The following TGFBR3 variants were observed in gnomAD, a reference collection of about 807,000 sequenced individuals.
TGFBR3 encodes the protein transforming growth factor beta receptor 3, also known as transforming growth factor beta receptor type 3.
TGFBR3 carries 46 observed loss-of-function variants against 87.9 expected under a neutral mutation model. The ratio of observed to expected loss-of-function variants is 0.52; its 90% CI spans 0.41 to 0.67. The LOEUF is 0.67. TGFBR3 is among the 30% of genes least tolerant of loss of function. The pLI, the probability that TGFBR3 is intolerant of heterozygous loss-of-function variation, is 0.00. For missense variants in TGFBR3, 866 were observed against 1,041.9 expected (o/e 0.83, Z 2.32); for synonymous variants, 381 against 391.6 (o/e 0.97, Z 0.32).
rs17886294 is a variant in TGFBR3 at position 91,782,591 on chromosome 1, A to C, written c.246+14696T>G. Among the ~76,000 whole-genome samples, 1,179 of 152,260 alleles carry C rather than the reference A, an allele frequency of 7.7e-3. 10 individuals are homozygous for C. The highest frequency in any genetic ancestry group is 0.013 in the Non-Finnish European group (852 of 68,008). On this transcript the variant is annotated intron_variant, in intron 3 of 16. Coordinates refer to ENST00000212355, the MANE Select transcript of TGFBR3 (RefSeq NM_003243.5). Reference sequence around the variant, plus strand: ...TTGTTTTTACCTTCATTAAGTGTTAAATTTACCTAAGACTCCCAGAGAGTC... The same window carrying C: ...TTGTTTTTACCTTCATTAAGTGTTACATTTACCTAAGACTCCCAGAGAGTC...
At chr1:91,807,922 C>T (rs1480480921) in intron 2 of TGFBR3, among the ~76,000 whole-genome samples, 1 of 152,154 alleles carries the variant, frequency 6.6e-6, no homozygotes, top group Non-Finnish European at 1.5e-5. Context: ...TGTGAAAACG[C>T]TTTACAAACT....
At chr1:91,785,562 C>A (rs943295753) in intron 3 of TGFBR3, among the ~76,000 whole-genome samples, 2 of 152,154 alleles carry the variant, frequency 1.3e-5, no homozygotes, top group Admixed American at 6.5e-5. Flanking sequence ...TCCTGCCTAG[C>A]ACCCTTGATC....
At chr1:91,815,164 T>C (rs928353737) in intron 2 of TGFBR3, among the ~76,000 whole-genome samples, 13 of 151,994 alleles carry the variant, frequency 8.6e-5, no homozygotes, top group African/African-American at 2.7e-4. Context: ...TAGCCGAGCA[T>C]GGTTGTGGGG....
chr1:91,882,509 C>G (rs976050648), intron 1 of TGFBR3, among the ~76,000 whole-genome samples: 6 of 152,028 alleles, frequency 3.9e-5, no homozygotes, highest in Non-Finnish European at 8.8e-5. Flanking sequence ...CTTTGGGAGG[C>G]TGAGGTAGGC....
rs539179739 is a variant in TGFBR3, at chr1:91,683,273, T to A, written c.*466A>T. ...GATCGCTTAGAAAGCCTCAAAGCAT[T>A]TCTTGTTTTACATCTTGGTTCAGAT... is the stretch of plus-strand genomic sequence containing the variant. On this transcript the variant is annotated 3_prime_UTR_variant, in exon 17 of 17. Transcript: ENST00000212355. 1 of 455,732 alleles carries A rather than the reference T, an allele frequency of 2.2e-6. No individual in the cohort carries two copies. The highest frequency in any genetic ancestry group is 6.9e-5 in the East Asian group (1 of 14,430). 28.2% of individuals were successfully genotyped at this position (455,732 alleles called of 1,614,324 possible).
chr1:91,842,664 A>G (rs2489172), intron 2 of TGFBR3, among the ~76,000 whole-genome samples: 2 of 152,174 alleles, frequency 1.3e-5, no homozygotes, highest in African/African-American at 4.8e-5. Context: ...TTCTGCCCAT[A>G]ATAAGGTTGT....
chr1:91,904,644 A>G (rs1679806022), intron 1 of TGFBR3, among the ~76,000 whole-genome samples: 1 of 148,278 alleles, frequency 6.7e-6, no homozygotes, highest in South Asian at 2.1e-4. Context: ...GGCTCACTGC[A>G]TCCTCTGCCT....
intron 3 of TGFBR3, among the ~76,000 whole-genome samples, chr1:91,780,591 CT>C (rs2100962442): frequency 8.5e-6 from 1 of 117,368 alleles, no homozygotes; most frequent in South Asian, 3.2e-4. Flanking sequence ...TGGAGTTTCA[CT>C]CTTGTTGCCC....
chr1:91,716,378 T>G lies in TGFBR3; in HGVS notation c.1724A>C (p.Gln575Pro). Residue 575 changes from glutamine to proline, a missense_variant, in exon 12 of 17, where the codon CAG becomes CCG. Gln to Pro is a moderately conservative substitution (Grantham distance 76). Coordinates refer to ENST00000212355, the MANE Select transcript of TGFBR3 (RefSeq NM_003243.5). ...GAAGCTGCTGGGGTTCCTCACCTGCTGAAGGCTGCAATTAAACTGGAAATA... is the reference window on the plus strand; with the variant it reads ...GAAGCTGCTGGGGTTCCTCACCTGCGGAAGGCTGCAATTAAACTGGAAATA... ...PEIVVFNCSLQQVRNPSSFQE... is the reference protein window; with the variant it reads ...PEIVVFNCSLPQVRNPSSFQE... The G allele has an allele frequency of 4.3e-6, 7 of 1,614,170 alleles. No individual in the cohort carries two copies. Among genetic ancestry groups the G allele is most frequent in the Non-Finnish European group, 5.9e-6 (7 of 1,180,010 alleles).
At chr1:91,805,377 C>T (rs150530003) in intron 2 of TGFBR3, among the ~76,000 whole-genome samples, 7 of 152,296 alleles carry the variant, frequency 4.6e-5, no homozygotes, top group South Asian at 2.1e-4. Flanking sequence ...AAAATCTTGC[C>T]GGGTGTCGTG....
At chr1:91,893,759 T>C (rs1437393584) in intron 2 of TGFBR3, among the ~76,000 whole-genome samples, 1 of 152,078 alleles carries the variant, frequency 6.6e-6, no homozygotes, top group Non-Finnish European at 1.5e-5. Flanking sequence ...TATTTGCTTA[T>C]AGTCCATGTT....
At chr1:91,685,315 CTT>C (rs71585124) in intron 16 of TGFBR3, among the ~76,000 whole-genome samples, 10 of 100,668 alleles carry the variant, frequency 9.9e-5, no homozygotes, top group African/African-American at 4.1e-4. Flanking sequence ...GAAGCACTGC[CTT>C]TTTTTTTTTT....
upstream of TGFBR3, chr1:91,886,165 C>T (rs570497743): frequency 2.2e-6 from 1 of 453,918 alleles, no homozygotes; most frequent in Non-Finnish European, 4.4e-6. Flanking sequence ...CCCATCAGGC[C>T]GACCCGGCGC....
intron 1 of TGFBR3, among the ~76,000 whole-genome samples, chr1:91,905,545 G>T (rs1237787834): frequency 6.6e-6 from 1 of 152,124 alleles, no homozygotes; most frequent in Non-Finnish European, 1.5e-5. Context: ...CGATTCTCGT[G>T]CCTCAGCCTC....
At chr1:91,758,476 G>C in intron 4 of TGFBR3, 137 bp downstream of exon 4, 1 of 1,036,044 alleles carries the variant, frequency 9.7e-7, no homozygotes, top group South Asian at 1.4e-5. Flanking sequence ...ATCACTAAGT[G>C]CATCCTCCAA....
chr1:91,794,700 T>C (rs1675311632), intron 3 of TGFBR3, among the ~76,000 whole-genome samples: 1 of 152,238 alleles, frequency 6.6e-6, no homozygotes, highest in African/African-American at 2.4e-5. Flanking sequence ...GGTTCATCCA[T>C]GCTGTAGCAC....
At chr1:91,771,324 TA>T (rs1203478735) in intron 3 of TGFBR3, among the ~76,000 whole-genome samples, 1 of 152,210 alleles carries the variant, frequency 6.6e-6, no homozygotes, top group Non-Finnish European at 1.5e-5. Flanking sequence ...TATGTATATA[TA>T]TTTTTACAGG....
At chr1:91,776,896 C>T (rs764165266) in intron 3 of TGFBR3, among the ~76,000 whole-genome samples, 21 of 152,210 alleles carry the variant, frequency 1.4e-4, no homozygotes, top group Non-Finnish European at 2.6e-4. Flanking sequence ...CTAACCTGGA[C>T]AAGCTCAGGT....
chr1:91,869,650 C>T (rs1193572886), intron 1 of TGFBR3, among the ~76,000 whole-genome samples: 2 of 152,104 alleles, frequency 1.3e-5, no homozygotes, highest in East Asian at 1.9e-4. Context: ...GGCAACAGAG[C>T]GAGACTCCGT....
Sources: allele counts gnomAD v4.1 joint callset (sites outside exome capture counted in the v4.1 genomes callset), GRCh38; gene constraint gnomAD v4.1.1; transcripts MANE v1.5; gene names NCBI Gene and HGNC (gene_info 2026-07-23, HGNC 2026-07-21).